Variants in ACER1 observed in about 807,000 individuals in gnomAD.
ACER1 encodes alkaline ceramidase 1, also known as CTB-180A7.3.
Under a neutral mutation model 24.9 loss-of-function variants are expected in ACER1, and 28 were observed. The ratio of observed to expected loss-of-function variants is 1.13; its 90% CI spans 0.83 to 1.54. The LOEUF is 1.54. Among genes scored for constraint, ACER1 ranks in the 40% most tolerant of loss-of-function variants. The probability of loss-of-function intolerance (pLI) is 0.00; values close to 1 mark genes in which losing one functional copy is unlikely to be tolerated. For missense variants in ACER1, 352 were observed against 349.3 expected (o/e 1.01, Z -0.06); for synonymous variants, 132 against 131.4 (o/e 1.00, Z -0.03).
chr19:6,317,432 G>A (rs2091608832), intron 1 of ACER1, among the ~76,000 whole-genome samples: 1 of 152,196 alleles, frequency 6.6e-6, no homozygotes, highest in Non-Finnish European at 1.5e-5. Context: ...ATGGGACAGG[G>A]GCCATGCCAA....
At chr19:6,314,761 C>A (rs895561380) in intron 1 of ACER1, among the ~76,000 whole-genome samples, 7 of 152,128 alleles carry the variant, frequency 4.6e-5, no homozygotes, top group Non-Finnish European at 1.0e-4. Flanking sequence ...AATCATTATA[C>A]TAAAATATAC....
the ACER1 span, among the ~76,000 whole-genome samples, chr19:6,358,626 C>CA: frequency 9.1e-3 from 874 of 95,590 alleles, 5 homozygotes; most frequent in African/African-American, 0.021. Flanking sequence ...GACTCCATCT[C>CA]AAAAAAAAAA....
chr19:6,313,832 C>A (rs1481014875), intron 1 of ACER1, among the ~76,000 whole-genome samples: 1 of 152,208 alleles, frequency 6.6e-6, no homozygotes, highest in Admixed American at 6.5e-5. Context: ...TAGGCCACCA[C>A]ACAAGAAGAC....
Position 6,307,308 on chromosome 19 carries a change from G to A in ACER1, c.489-18C>T. On this transcript the variant is annotated intron_variant, in intron 4 of 5. Transcript: ENST00000301452. ...TGCTGGTCCTAGAGAGGGGAGAGGG[G>A]GACCAGGGGCTGGCTCGGAGAGCAG... The A allele has an allele frequency of 1.2e-6, 2 of 1,613,126 alleles. No homozygotes were observed. The highest frequency in any genetic ancestry group is 1.7e-4 in the Middle Eastern group (1 of 6,042).
chr19:6,312,156 C>G lies in ACER1; in HGVS notation c.343G>C (p.Gly115Arg). 1 of 1,613,680 alleles carries G rather than the reference C, an allele frequency of 6.2e-7. No homozygotes were observed. The highest frequency in any genetic ancestry group is 1.1e-5 in the South Asian group (1 of 91,038). ...PRCYFPSFLG[G>R]NRSQFIRLVF... ...GGCCAGCCCCTGACCCACCTGTTCCCCCCAAGGAAGGAGGGGAAATAGCAG... is the reference window on the plus strand; with the variant it reads ...GGCCAGCCCCTGACCCACCTGTTCCGCCCAAGGAAGGAGGGGAAATAGCAG... The change falls in exon 3 of 6, where the codon GGG becomes CGG. Residue 115 changes from glycine to arginine, a missense_variant. By Grantham distance (125) the Gly-to-Arg change is moderately radical (BLOSUM62 -2). Coordinates refer to ENST00000301452, the MANE Select transcript of ACER1 (RefSeq NM_133492.3).
Position 6,306,747 on chromosome 19 carries a change from G to A in ACER1, c.762C>T (p.Tyr254=), listed in dbSNP as rs757587309. The A allele has an allele frequency of 5.6e-5, 90 of 1,613,336 alleles. No individual in the cohort carries two copies. The East Asian group carries it at 1.5e-3, about 26-fold the overall frequency. Residue 254 remains tyrosine, a synonymous_variant, in exon 6 of 6, where the codon TAC becomes TAT. Coordinates refer to ENST00000301452, the MANE Select transcript of ACER1 (RefSeq NM_133492.3). ...PRDSWPVGLP[Y]VEIRGDDKDC Reference sequence around the variant, plus strand: ...CCTTGTCATCACCCCGGATTTCCACGTAGGGCAGCCCCACGGGCCAACTGT... The same window carrying A: ...CCTTGTCATCACCCCGGATTTCCACATAGGGCAGCCCCACGGGCCAACTGT...
chr19:6,358,726 G>A, the ACER1 span, among the ~76,000 whole-genome samples: 2 of 151,656 alleles, frequency 1.3e-5, no homozygotes, highest in Admixed American at 6.6e-5. Flanking sequence ...CTGAGGTCGC[G>A]AGTTCGAGAC....
the ACER1 span, among the ~76,000 whole-genome samples, chr19:6,341,670 G>C: frequency 2.8e-5 from 4 of 143,636 alleles, no homozygotes; most frequent in Non-Finnish European, 4.4e-5. Flanking sequence ...CTGTCACCTA[G>C]GCTGGAGTAC....
rs763946594 is a variant in ACER1 at position 6,309,830 on chromosome 19, G to A, written c.355C>T (p.Gln119Ter). 1.7e-5 allele frequency: 27 copies of A among 1,613,858 alleles called. No homozygotes were observed. Among genetic ancestry groups the A allele is most frequent in the East Asian group, 2.2e-5 (1 of 44,878 alleles). ...GTGATGAAGACCAGGCGGATGAACT[G>A]GGACCTGGGGAGGAAGGGGCTCAGC... ...FPSFLGGNRS[Q>*]FIRLVFITTV... The change falls in exon 4 of 6, where the codon CAG becomes TAG. Residue 119 changes from glutamine (Q) to a stop codon, truncating the protein, a stop_gained. Coordinates refer to ENST00000301452, the MANE Select transcript of ACER1 (RefSeq NM_133492.3). LOFTEE classifies it high-confidence loss of function.
At chr19:6,326,281 C>T (rs1214726726) in intron 1 of ACER1, among the ~76,000 whole-genome samples, 1 of 152,076 alleles carries the variant, frequency 6.6e-6, no homozygotes, top group East Asian at 1.9e-4. Flanking sequence ...GCGCCCACCA[C>T]AATGCCCGGC....
intron 1 of ACER1, among the ~76,000 whole-genome samples, chr19:6,327,632 C>T (rs1162452735): frequency 6.6e-6 from 1 of 151,392 alleles, no homozygotes; most frequent in African/African-American, 2.4e-5. Context: ...TAAATAAACA[C>T]TCTTTGGCCT....
At chr19:6,321,097 G>A (rs2091628403) in intron 1 of ACER1, among the ~76,000 whole-genome samples, 1 of 151,132 alleles carries the variant, frequency 6.6e-6, no homozygotes, top group African/African-American at 2.4e-5. Flanking sequence ...ATATTCATAA[G>A]GCATGCAACC....
intron 1 of ACER1, among the ~76,000 whole-genome samples, chr19:6,327,284 A>T (rs1020368931): frequency 2.0e-5 from 3 of 152,124 alleles, no homozygotes; most frequent in African/African-American, 7.2e-5. Flanking sequence ...TACAAAAATT[A>T]GCTGGGGATG....
At chr19:6,345,672 C>A in the ACER1 span, among the ~76,000 whole-genome samples, 1 of 150,490 alleles carries the variant, frequency 6.6e-6, no homozygotes, top group African/African-American at 2.4e-5. Context: ...TCAAGCGATT[C>A]TCTTGCCTCA....
At chr19:6,316,207 G>A (rs1211678405) in intron 1 of ACER1, among the ~76,000 whole-genome samples, 1 of 152,206 alleles carries the variant, frequency 6.6e-6, no homozygotes, top group Admixed American at 6.5e-5. Context: ...GCTGAGGCAG[G>A]AGAATTGCCT....
chr19:6,357,623 T>C, the ACER1 span, among the ~76,000 whole-genome samples: 113 of 151,546 alleles, frequency 7.5e-4, no homozygotes, highest in African/African-American at 2.7e-3. Context: ...AATACAAAAC[T>C]TATCTGGGCG....
the ACER1 span, among the ~76,000 whole-genome samples, chr19:6,342,843 T>A: frequency 6.6e-6 from 1 of 152,092 alleles, no homozygotes; most frequent in Non-Finnish European, 1.5e-5. Context: ...AATGGCATGA[T>A]CTCGGCTCAC....
chr19:6,335,988 C>G (rs1238755312), upstream of ACER1, among the ~76,000 whole-genome samples: 2 of 151,232 alleles, frequency 1.3e-5, no homozygotes, highest in African/African-American at 4.9e-5. Flanking sequence ...GCAACCTCTG[C>G]CTCCCAGGTT....
At chr19:6,318,961 C>T (rs1002370898) in intron 1 of ACER1, among the ~76,000 whole-genome samples, 2 of 151,608 alleles carry the variant, frequency 1.3e-5, no homozygotes, top group East Asian at 2.0e-4. Flanking sequence ...GGTTTCTCTT[C>T]GCTTGTATCA....
Sources: gnomAD v4.1 joint callset for allele counts (sites outside exome capture counted in the v4.1 genomes callset) on GRCh38, gnomAD v4.1.1 for gene constraint, MANE v1.5 for transcripts, NCBI Gene and HGNC (gene_info 2026-07-23, HGNC 2026-07-21) for gene names.